Variants in P4HA1 observed in about 807,000 individuals in gnomAD.
P4HA1 encodes the protein prolyl 4-hydroxylase subunit alpha 1, also known as prolyl 4-hydroxylase subunit alpha-1.
A neutral mutation model predicts 72.8 loss-of-function variants in P4HA1; 24 were observed. The ratio of observed to expected loss-of-function variants is 0.33; its 90% confidence interval spans 0.24 to 0.46. The LOEUF (loss-of-function observed/expected upper bound fraction) is 0.46. P4HA1 is among the 20% of genes least tolerant of loss of function. P4HA1 has a pLI of 1.00. For synonymous variants in P4HA1, 201 were observed against 218.8 expected, an observed-to-expected ratio of 0.92 and a Z score of 0.72; for missense variants, 446 against 640.6, an observed-to-expected ratio of 0.70 and a Z score of 3.28.
At chr10:73,025,252 A>G (rs1447559311) in intron 10 of P4HA1, among the ~76,000 whole-genome samples, 2 of 152,192 alleles carry the variant, frequency 1.3e-5, no homozygotes, top group African/African-American at 4.8e-5. Flanking sequence ...GCAGCACATC[A>G]AAAAGCTTAT....
rs1247297441 is a variant in P4HA1, at chr10:73,030,311, T to A, written c.1208A>T (p.Asp403Val). ...TGTGGAAACATCTAGTCCTGTTAGA[T>A]CTTGTATTCTCATATTAATTCGAGA... is the stretch of plus-strand genomic sequence containing the variant. ...VVSRINMRIQDLTGLDVSTAE... is the reference protein window; with the variant it reads ...VVSRINMRIQVLTGLDVSTAE... Residue 403 changes from aspartate to valine, a missense_variant, in exon 10 of 15, where the codon GAT becomes GTT. Asp to Val is a radical substitution (Grantham distance 152, BLOSUM62 -3). Transcript: ENST00000394890. The A allele has an allele frequency of 6.3e-7, 1 of 1,575,946 alleles. No homozygotes were observed. The highest frequency in any genetic ancestry group is 1.3e-5 in the African/African-American group (1 of 74,492).
At chr10:73,036,315 A>T (rs1020928302) in intron 9 of P4HA1, among the ~76,000 whole-genome samples, 4 of 152,158 alleles carry the variant, frequency 2.6e-5, no homozygotes, top group Non-Finnish European at 5.9e-5. Flanking sequence ...TAGTCACTAC[A>T]GAGGAAAATG....
chr10:73,026,442 T>C (rs568999200), intron 10 of P4HA1, among the ~76,000 whole-genome samples: 1 of 152,332 alleles, frequency 6.6e-6, no homozygotes, highest in South Asian at 2.1e-4. Context: ...TTACACTTTA[T>C]ATAACAATTA....
chr10:73,049,842 C>T (rs1366035427), intron 7 of P4HA1, among the ~76,000 whole-genome samples: 1 of 152,104 alleles, frequency 6.6e-6, no homozygotes, highest in African/African-American at 2.4e-5. Flanking sequence ...TCATAAGATG[C>T]ACAGAGTAGT....
chr10:73,016,812 C>G (rs1157971223), intron 11 of P4HA1, 34 bp downstream of exon 11: 1 of 1,487,554 alleles, frequency 6.7e-7, no homozygotes, highest in Non-Finnish European at 9.4e-7. Context: ...AATGCATAAG[C>G]CTCAGTGAAT....
intron 4 of P4HA1, among the ~76,000 whole-genome samples, chr10:73,071,791 A>C (rs550613697): frequency 6.6e-6 from 1 of 152,310 alleles, no homozygotes; most frequent in South Asian, 2.1e-4. Flanking sequence ...TATGCCAAAT[A>C]ATCTATTCAC....
chr10:73,055,785 T>G (rs1841129967), intron 5 of P4HA1, among the ~76,000 whole-genome samples: 1 of 152,202 alleles, frequency 6.6e-6, no homozygotes, highest in Non-Finnish European at 1.5e-5. Flanking sequence ...CAAATAAAAA[T>G]ATTTTAAAAT....
At chr10:73,072,312 AAGT>A in intron 3 of P4HA1, 132 bp from the exon 4 acceptor site, 1 of 655,658 alleles carries the variant, frequency 1.5e-6, no homozygotes, top group Non-Finnish European at 2.6e-6. Context: ...TTTAAAGTAA[AAGT>A]ATACGGTCTC....
At position 73,007,729 on chromosome 10, in the gene P4HA1, G is replaced by A. The variant is rs1350995081; in HGVS notation, c.*493C>T. 6.6e-6 allele frequency: 1 copy of A among 152,276 alleles called. No individual in the cohort carries two copies. Among genetic ancestry groups the A allele is most frequent in the Non-Finnish European group, 1.5e-5 (1 of 68,198 alleles). The allele number at this position is 152,276 out of a possible 1,614,324, so 9.4% of individuals were successfully genotyped here. A position where few individuals can be genotyped will look rare whatever the true frequency, so the allele number is the denominator to read the frequency against. Reference sequence around the variant, plus strand: ...AAAAAATCAACTTAGAAGATCATATGAAAGGGCAATCACATGGAACCCAGT... The same window carrying A: ...AAAAAATCAACTTAGAAGATCATATAAAAGGGCAATCACATGGAACCCAGT... On this transcript the variant is annotated 3_prime_UTR_variant, in exon 15 of 15. Transcript: ENST00000394890.
At chr10:73,033,407 CT>C (rs370363472) in intron 9 of P4HA1, among the ~76,000 whole-genome samples, 4 of 152,254 alleles carry the variant, frequency 2.6e-5, no homozygotes, top group African/African-American at 7.2e-5. Context: ...GTCCTTCAGC[CT>C]TATAGAGGCA....
intron 7 of P4HA1, among the ~76,000 whole-genome samples, chr10:73,050,656 T>C (rs956305365): frequency 6.7e-6 from 1 of 150,104 alleles, no homozygotes; most frequent in Non-Finnish European, 1.5e-5. Context: ...GCCGAGATCA[T>C]GCCACTGCAC....
In P4HA1 at chr10:73,054,002, C is replaced by T. The variant is rs912561004; in HGVS notation, c.464-412G>A. The stretch of plus-strand genomic sequence containing the variant: ...CACAATCTCAGCTCACCACAACCTC[C>T]GCCTCCCAGGTTCAAGTGATTCTCC... On this transcript the variant is annotated intron_variant, in intron 5 of 14. Transcript: ENST00000394890. Among the ~76,000 whole-genome samples the T allele has an allele frequency of 4.6e-5, 7 of 152,120 alleles. No individual in the cohort carries two copies. The South Asian group carries it at 1.2e-3, about 27-fold the overall frequency.
intron 12 of P4HA1, among the ~76,000 whole-genome samples, chr10:73,013,231 C>A (rs1839946352): frequency 6.6e-6 from 1 of 152,208 alleles, no homozygotes. Flanking sequence ...GTGGTAGGGT[C>A]TGTGTGCCCT....
chr10:73,072,187 A>G lies in P4HA1; in HGVS notation c.174-7T>C. ...ATCTAACTTCTCTGCCCATCTACAG[A>G]TGTAAAACATAAAAACTGAATATTT... On this transcript the variant is annotated splice_region_variant and splice_polypyrimidine_tract_variant and intron_variant, in intron 3 of 14. Coordinates refer to ENST00000394890, the MANE Select transcript of P4HA1 (RefSeq NM_001017962.3). 1 of 1,600,752 alleles carries G rather than the reference A, an allele frequency of 6.2e-7. No individual in the cohort carries two copies. Among genetic ancestry groups the G allele is most frequent in the Non-Finnish European group, 8.5e-7 (1 of 1,172,088 alleles).
intron 5 of P4HA1, among the ~76,000 whole-genome samples, chr10:73,064,932 T>C (rs1841386676): frequency 6.6e-6 from 1 of 152,178 alleles, no homozygotes; most frequent in South Asian, 2.1e-4. Context: ...ATCCAAAAAT[T>C]CTTGCACTTC....
intron 1 of P4HA1, among the ~76,000 whole-genome samples, chr10:73,076,617 G>C (rs1404888547): frequency 6.6e-6 from 1 of 152,070 alleles, no homozygotes; most frequent in Non-Finnish European, 1.5e-5. Context: ...CTTCATGGCA[G>C]ATGAGGATAT....
intron 11 of P4HA1, among the ~76,000 whole-genome samples, chr10:73,014,831 C>CTT (rs761513290): frequency 5.7e-5 from 8 of 139,780 alleles, no homozygotes; most frequent in Admixed American, 7.2e-5. Context: ...TTTCTTTTTT[C>CTT]TTTTTTTTTT....
chr10:73,088,718 A>G (rs1841970241), intron 1 of P4HA1, among the ~76,000 whole-genome samples: 1 of 152,224 alleles, frequency 6.6e-6, no homozygotes, highest in African/African-American at 2.4e-5. Context: ...AAATAAAACA[A>G]AGATTGTTTT....
intron 9 of P4HA1, among the ~76,000 whole-genome samples, chr10:73,037,549 AT>A (rs1840612851): frequency 3.4e-5 from 1 of 29,326 alleles, no homozygotes; most frequent in Non-Finnish European, 6.3e-5. Context: ...ATATATATAT[AT>A]ATATATATAT....
Sources: gnomAD v4.1 joint callset for allele counts (sites outside exome capture counted in the v4.1 genomes callset) on GRCh38, gnomAD v4.1.1 for gene constraint, MANE v1.5 for transcripts, NCBI Gene and HGNC (gene_info 2026-07-23, HGNC 2026-07-21) for gene names.